Variants in BST1 observed in about 807,000 individuals in gnomAD.
BST1 encodes the protein bone marrow stromal cell antigen 1, also known as ADP-ribosyl cyclase/cyclic ADP-ribose hydrolase 2.
BST1 carries 49 observed loss-of-function variants against 40.6 expected under a neutral mutation model. That is an observed-to-expected ratio of 1.21 (90% CI 0.96 to 1.53). The LOEUF (loss-of-function observed/expected upper bound fraction) is 1.53. Ranked by LOEUF, BST1 falls within the 40% of genes most tolerant of loss-of-function variation. The pLI, the probability that BST1 is intolerant of heterozygous loss-of-function variation, is 0.00. For synonymous variants in BST1, 157 were observed against 159.3 expected (o/e 0.99, Z 0.11); for missense variants, 423 against 395.9 (o/e 1.07, Z -0.58).
chr4:15,719,359 G>C (rs1720684372), intron 7 of BST1, among the ~76,000 whole-genome samples: 1 of 152,270 alleles, frequency 6.6e-6, no homozygotes, highest in African/African-American at 2.4e-5. Context: ...AGGTGCTAAG[G>C]TGGGAGCTTG....
At position 15,705,586 on chromosome 4, in the gene BST1, C is replaced by T. The variant is rs567575083; in HGVS notation, c.260C>T (p.Pro87Leu). The T allele has an allele frequency of 1.9e-6, 3 of 1,613,920 alleles. No homozygotes were observed. In the Admixed American group the frequency reaches 5.0e-5, roughly 27 times the overall value. The change falls in exon 2 of 9, where the codon CCC becomes CTC. Residue 87 changes from proline (P) to leucine (L), a missense_variant. Pro to Leu is a moderately conservative substitution (Grantham distance 98, BLOSUM62 -3). Transcript: ENST00000265016. ...GACAAGGATCCCTGCTCCGTGCTGC[C>T]CTCAGACTATGACCTTTTTATTAAC... ...ALDKDPCSVLPSDYDLFINLS... is the reference protein window; with the variant it reads ...ALDKDPCSVLLSDYDLFINLS...
chr4:15,711,432 C>T (rs143766135), intron 3 of BST1, among the ~76,000 whole-genome samples: 10 of 152,224 alleles, frequency 6.6e-5, no homozygotes, highest in Non-Finnish European at 1.3e-4. Context: ...TTTTTGGAGA[C>T]GGCTCTTCTC....
the BST1 span, among the ~76,000 whole-genome samples, chr4:15,764,672 A>T: frequency 2.0e-5 from 3 of 151,988 alleles, no homozygotes; most frequent in South Asian, 6.2e-4. Flanking sequence ...TGGTGACGAC[A>T]CCCTGATTTT....
At chr4:15,703,633 G>GT (rs755066994) in intron 1 of BST1, among the ~76,000 whole-genome samples, 36,737 of 127,454 alleles carry the variant, frequency 0.29, 5,954 homozygotes, top group East Asian at 0.41. Context: ...AGGTGAGGGG[G>GT]GTGTGTGTGT....
chr4:15,753,032 G>A, the BST1 span, among the ~76,000 whole-genome samples: 2 of 146,752 alleles, frequency 1.4e-5, no homozygotes, highest in African/African-American at 2.7e-5. Flanking sequence ...AAATCACTAA[G>A]AAATATTTAA....
chr4:15,720,269 C>T (rs1720738051), intron 7 of BST1, among the ~76,000 whole-genome samples: 1 of 152,158 alleles, frequency 6.6e-6, no homozygotes, highest in Non-Finnish European at 1.5e-5. Flanking sequence ...CTCTTTCCCT[C>T]CTGCTACCAA....
At chr4:15,770,319 G>T in the BST1 span, among the ~76,000 whole-genome samples, 1 of 152,078 alleles carries the variant, frequency 6.6e-6, no homozygotes, top group South Asian at 2.1e-4. Context: ...TCTCCCCGCC[G>T]TTCTGTTTAT....
At chr4:15,747,273 T>C in the BST1 span, among the ~76,000 whole-genome samples, 4 of 152,176 alleles carry the variant, frequency 2.6e-5, no homozygotes, top group East Asian at 1.9e-4. Context: ...TTAGGAACCA[T>C]GGGATATATT....
the BST1 span, among the ~76,000 whole-genome samples, chr4:15,745,443 T>C: frequency 2.6e-5 from 4 of 152,216 alleles, no homozygotes; most frequent in Non-Finnish European, 5.9e-5. Flanking sequence ...GAACAAAGTG[T>C]TTCACGTTTT....
At chr4:15,730,757 C>T (rs4321629) in intron 8 of BST1, among the ~76,000 whole-genome samples, 13,241 of 152,190 alleles carry the variant, frequency 0.087, 1,211 homozygotes, top group East Asian at 0.52. Flanking sequence ...TGAGCAGGTT[C>T]AGCATGCATG....
At chr4:15,748,690 T>C in the BST1 span, among the ~76,000 whole-genome samples, 3 of 152,210 alleles carry the variant, frequency 2.0e-5, no homozygotes, top group African/African-American at 7.2e-5. Flanking sequence ...TCCTTCAATG[T>C]TGAGGGCCAT....
the BST1 span, among the ~76,000 whole-genome samples, chr4:15,754,079 G>T: frequency 4.2e-4 from 64 of 152,208 alleles, no homozygotes; most frequent in African/African-American, 1.5e-3. Flanking sequence ...AAGGCCAAGT[G>T]GGGGGGTGTG....
intron 2 of BST1, 67 bp downstream of exon 2, chr4:15,705,708 C>T: frequency 6.4e-7 from 1 of 1,572,172 alleles, no homozygotes; most frequent in Non-Finnish European, 8.7e-7. Flanking sequence ...GGTGCATGGG[C>T]CAGGTTGACA....
At chr4:15,710,928 T>C (rs190110893) in intron 3 of BST1, among the ~76,000 whole-genome samples, 3 of 152,110 alleles carry the variant, frequency 2.0e-5, no homozygotes, top group African/African-American at 7.2e-5. Context: ...TAGCTGGGAC[T>C]ACAGATGCGT....
the BST1 span, among the ~76,000 whole-genome samples, chr4:15,753,034 A>C: frequency 1.3e-5 from 2 of 151,716 alleles, no homozygotes; most frequent in South Asian, 4.1e-4. Context: ...ATCACTAAGA[A>C]ATATTTAAAT....
At chr4:15,705,843 G>A (rs1018857331) in intron 2 of BST1, among the ~76,000 whole-genome samples, 20 of 152,208 alleles carry the variant, frequency 1.3e-4, no homozygotes, top group Admixed American at 9.8e-4. Flanking sequence ...TTGCTATAAA[G>A]AAATGCCTGA....
chr4:15,734,428 A>G (rs1310707879), downstream of BST1, among the ~76,000 whole-genome samples: 1 of 152,194 alleles, frequency 6.6e-6, no homozygotes, highest in Non-Finnish European at 1.5e-5. Flanking sequence ...ACTTAATTAT[A>G]TGATGAAAAT....
intron 1 of BST1, 139 bp from the exon 2 acceptor site, chr4:15,705,376 T>G: frequency 1.0e-6 from 1 of 987,094 alleles, no homozygotes; most frequent in Non-Finnish European, 1.5e-6. Context: ...GCCATGACAA[T>G]TCGTTGTCTT....
the BST1 span, among the ~76,000 whole-genome samples, chr4:15,748,155 A>G: frequency 2.6e-5 from 4 of 152,202 alleles, no homozygotes; most frequent in South Asian, 6.2e-4. Context: ...TACCACCATT[A>G]TCAGTCCAAC....
Sources: gnomAD v4.1 joint callset for allele counts (sites outside exome capture counted in the v4.1 genomes callset) on GRCh38, gnomAD v4.1.1 for gene constraint, MANE v1.5 for transcripts, NCBI Gene and HGNC (gene_info 2026-07-23, HGNC 2026-07-21) for gene names.